DLG2: variants seen among roughly 807,000 people sequenced by gnomAD.
The protein encoded by DLG2 is disks large homolog 2.
DLG2 carries 45 observed loss-of-function variants against 132.5 expected under a neutral mutation model. That is an observed-to-expected ratio of 0.34 (90% CI 0.27 to 0.44). DLG2 has a LOEUF of 0.44. DLG2 is among the 20% of genes least tolerant of loss of function. DLG2 has a pLI of 1.00. For synonymous variants in DLG2, 424 were observed against 419.6 expected (o/e 1.01, Z -0.13); for missense variants, 1,045 against 1,196.9 (o/e 0.87, Z 1.87).
intron 3 of DLG2, among the ~76,000 whole-genome samples, chr11:85,339,141 T>A (rs1264174111): frequency 6.6e-6 from 1 of 152,190 alleles, no homozygotes; most frequent in African/African-American, 2.4e-5. Flanking sequence ...CTTTTTTTAT[T>A]TGACAGTGTG....
chr11:84,463,508 C>T (rs981177326), intron 7 of DLG2, among the ~76,000 whole-genome samples: 1 of 151,120 alleles, frequency 6.6e-6, no homozygotes, highest in African/African-American at 2.4e-5. Context: ...CAGACAGTGC[C>T]TGAGCTCAAC....
At chr11:85,543,690 G>C (rs78996870) in intron 3 of DLG2, among the ~76,000 whole-genome samples, 23,396 of 152,064 alleles carry the variant, frequency 0.15, 2,214 homozygotes, top group East Asian at 0.28. Context: ...TAACTGTCGT[G>C]AGATGGTATC....
intron 5 of DLG2, among the ~76,000 whole-genome samples, chr11:85,116,856 TA>T (rs2073666367): frequency 1.3e-5 from 2 of 152,128 alleles, no homozygotes; most frequent in South Asian, 4.1e-4. Flanking sequence ...GTTAGATGAC[TA>T]AAGATTTAGA....
chr11:85,420,424 C>CT, intron 3 of DLG2, among the ~76,000 whole-genome samples: 2 of 152,248 alleles, frequency 1.3e-5, no homozygotes, highest in African/African-American at 4.8e-5. Context: ...GGGACCCACT[C>CT]GAGGAGGCAG....
Position 85,096,212 on chromosome 11 carries a change from C to T in DLG2, c.357+15449G>A, listed in dbSNP as rs565134883. ...TAAGGGAATAAAAGCTGGCCACCCG[C>T]GCCAGCAGTGGCAACCTGCTCGGGT... On this transcript the variant is annotated intron_variant, in intron 6 of 27. Transcript: ENST00000376104. Among the ~76,000 whole-genome samples, 5 of 152,278 alleles carry T rather than the reference C, an allele frequency of 3.3e-5. 1 individual carries two copies. The highest frequency in any genetic ancestry group is 2.0e-4 in the Admixed American group (3 of 15,296).
chr11:85,298,881 G>A (rs560367597), intron 3 of DLG2, among the ~76,000 whole-genome samples: 6 of 152,228 alleles, frequency 3.9e-5, no homozygotes, highest in African/African-American at 1.2e-4. Context: ...TATGGGTCAA[G>A]AGACTTTTTT....
At chr11:84,290,664 T>C (rs1367470426) in intron 7 of DLG2, among the ~76,000 whole-genome samples, 3 of 152,044 alleles carry the variant, frequency 2.0e-5, no homozygotes, top group Non-Finnish European at 4.4e-5. Flanking sequence ...ATCTAAGAGG[T>C]GAGAAAAGGA....
At chr11:83,716,384 C>T (rs1412550794) in intron 18 of DLG2, among the ~76,000 whole-genome samples, 2 of 152,196 alleles carry the variant, frequency 1.3e-5, no homozygotes, top group African/African-American at 4.8e-5. Flanking sequence ...GCTTTTCCTA[C>T]TTAACCAGTG....
intron 3 of DLG2, among the ~76,000 whole-genome samples, chr11:85,459,245 A>G (rs1299127071): frequency 6.6e-6 from 1 of 152,166 alleles, no homozygotes; most frequent in Non-Finnish European, 1.5e-5. Context: ...TACCTCAGAA[A>G]AATGTAGAGC....
At chr11:83,514,161 G>A (rs1183461520) in intron 21 of DLG2, among the ~76,000 whole-genome samples, 1 of 152,184 alleles carries the variant, frequency 6.6e-6, no homozygotes, top group Admixed American at 6.5e-5. Flanking sequence ...CTACCCGTGA[G>A]CATGGAATGT....
chr11:83,866,505 T>A (rs571343764), intron 16 of DLG2, among the ~76,000 whole-genome samples: 24 of 152,266 alleles, frequency 1.6e-4, no homozygotes, highest in African/African-American at 5.8e-4. Context: ...TGGGTGAGCA[T>A]ATTATTATTA....
chr11:85,583,765 G>T (rs2078782575), intron 3 of DLG2, among the ~76,000 whole-genome samples: 1 of 152,042 alleles, frequency 6.6e-6, no homozygotes, highest in East Asian at 1.9e-4. Context: ...TCTTTTGGTT[G>T]GTCCTTTTAG....
chr11:85,232,640 T>C (rs1472456459), intron 4 of DLG2, among the ~76,000 whole-genome samples: 1 of 151,944 alleles, frequency 6.6e-6, no homozygotes, highest in Non-Finnish European at 1.5e-5. Context: ...TCTCTCACAG[T>C]AGCAATTTAC....
chr11:84,260,506 A>G (rs758845973), intron 7 of DLG2, among the ~76,000 whole-genome samples: 13 of 152,242 alleles, frequency 8.5e-5, no homozygotes, highest in Admixed American at 3.9e-4. Flanking sequence ...CACCAATGTC[A>G]TGCTATATAA....
At chr11:85,420,823 C>G (rs2090239839) in intron 3 of DLG2, among the ~76,000 whole-genome samples, 1 of 152,172 alleles carries the variant, frequency 6.6e-6, no homozygotes, top group African/African-American at 2.4e-5. Context: ...CTTCAGACTG[C>G]TCTGCTGGCA....
At chr11:83,603,105 G>A (rs867661866) in intron 19 of DLG2, among the ~76,000 whole-genome samples, 31 of 151,900 alleles carry the variant, frequency 2.0e-4, no homozygotes, top group African/African-American at 6.5e-4. Context: ...TACAAGTGAT[G>A]GTAGTGGGAG....
intron 6 of DLG2, among the ~76,000 whole-genome samples, chr11:84,817,441 T>C (rs1430410830): frequency 2.6e-5 from 4 of 151,894 alleles, no homozygotes; most frequent in Non-Finnish European, 1.5e-5. Context: ...CAGGAAGAGC[T>C]CTAGATGTGC....
chr11:84,534,271 T>C (rs951230623), intron 7 of DLG2, among the ~76,000 whole-genome samples: 4 of 152,220 alleles, frequency 2.6e-5, no homozygotes, highest in African/African-American at 4.8e-5. Flanking sequence ...CTTGATGTAC[T>C]TGGGGTTTAA....
chr11:85,142,844 G>T (rs2076587639), intron 5 of DLG2, among the ~76,000 whole-genome samples: 1 of 151,744 alleles, frequency 6.6e-6, no homozygotes, highest in Non-Finnish European at 1.5e-5. Flanking sequence ...CGGTCAATAT[G>T]ATATATTACA....
Sources: allele counts gnomAD v4.1 joint callset (sites outside exome capture counted in the v4.1 genomes callset), GRCh38; gene constraint gnomAD v4.1.1; transcripts MANE v1.5; gene names NCBI Gene and HGNC (gene_info 2026-07-23, HGNC 2026-07-21).